MFSD12: variants seen among roughly 807,000 people sequenced by gnomAD.
MFSD12 encodes major facilitator superfamily domain-containing protein 12.
Under a neutral mutation model 51.2 loss-of-function variants are expected in MFSD12, and 67 were observed. That is an observed-to-expected ratio of 1.31 (90% CI 1.08 to 1.60). The LOEUF (loss-of-function observed/expected upper bound fraction) is 1.60, where lower values mean the gene tolerates loss of function less well. Ranked by LOEUF, MFSD12 falls within the 40% of genes most tolerant of loss-of-function variation. The pLI, the probability that MFSD12 is intolerant of heterozygous loss-of-function variation, is 0.00. For missense variants in MFSD12, 921 were observed against 673.0 expected (o/e 1.37, Z -4.08); for synonymous variants, 441 against 316.7 (o/e 1.39, Z -4.17).
chr19:3,540,789 G>A (rs947358271), downstream of MFSD12, among the ~76,000 whole-genome samples: 3 of 148,864 alleles, frequency 2.0e-5, no homozygotes, highest in Admixed American at 2.0e-4. Flanking sequence ...TGAGGCAGGA[G>A]AATCACTTGA....
At chr19:3,542,223 T>C (rs2030477011), downstream of MFSD12, 40 of 985,420 alleles carry the variant, frequency 4.1e-5, no homozygotes, top group Non-Finnish European at 4.6e-5. Context: ...AAGCCGAGTC[T>C]ATGTGGGGTC....
Position 3,548,330 on chromosome 19 carries a change from G to A in MFSD12, c.510-63C>T, listed in dbSNP as rs1026286149. 1.6e-5 allele frequency: 25 copies of A among 1,531,102 alleles called. No individual in the cohort carries two copies. The African/African-American group carries it at 1.9e-4, about 12-fold the overall frequency. 94.8% of individuals were successfully genotyped at this position (1,531,102 alleles called of 1,614,324 possible). A position where few individuals can be genotyped will look rare whatever the true frequency, so the allele number is the denominator to read the frequency against. On this transcript the variant is annotated intron_variant, in intron 2 of 9. Transcript: ENST00000355415. Reference sequence around the variant, plus strand: ...GGAACCTGGGTCACTTCCTCCCCACGTGGCTACGCCGTCAGAGAGGCCTGG... The same window carrying A: ...GGAACCTGGGTCACTTCCTCCCCACATGGCTACGCCGTCAGAGAGGCCTGG...
At chr19:3,548,900 G>A (rs1243874266) in intron 2 of MFSD12, among the ~76,000 whole-genome samples, 1 of 152,174 alleles carries the variant, frequency 6.6e-6, no homozygotes, top group East Asian at 1.9e-4. Flanking sequence ...TCTGTCACAT[G>A]GCCATAATGG....
chr19:3,539,415 C>A, downstream of MFSD12: 1 of 593,060 alleles, frequency 1.7e-6, no homozygotes, highest in South Asian at 2.0e-5. Context: ...TCTTCCTGTT[C>A]CCCTCCGGCC....
At position 3,544,821 on chromosome 19, in the gene MFSD12, G is replaced by C. The variant is rs200568256; in HGVS notation, c.1408C>G (p.Arg470Gly). 16 of 1,612,444 alleles carry C rather than the reference G, an allele frequency of 9.9e-6. No individual in the cohort carries two copies. Among genetic ancestry groups the C allele is most frequent in the East Asian group, 4.5e-5 (2 of 44,866 alleles). ...CLCSLLLWPTRLRRWDRDARP is the reference protein window; with the variant it reads ...CLCSLLLWPTGLRRWDRDARP ...GGCCAGGACTCACAGCGTCGCAGGC[G>C]GGTCGGCCACAGCAGGAGGCTACAG... Residue 470 changes from arginine (R) to glycine (G), a missense_variant, in exon 9 of 10, where the codon CGC becomes GGC. Coordinates refer to ENST00000355415, the MANE Select transcript of MFSD12 (RefSeq NM_174983.5).
chr19:3,548,398 G>A, intron 2 of MFSD12, 131 bp from the exon 3 acceptor site: 4 of 1,249,144 alleles, frequency 3.2e-6, no homozygotes, highest in East Asian at 2.6e-5. Flanking sequence ...TGCCACACTG[G>A]GTGGCCTCCA....
At chr19:3,545,533 G>C (rs1055779586) in intron 8 of MFSD12, among the ~76,000 whole-genome samples, 1 of 152,224 alleles carries the variant, frequency 6.6e-6, no homozygotes, top group East Asian at 1.9e-4. Context: ...CATCCTGCAG[G>C]TGTCAGGGCC....
Position 3,547,883 on chromosome 19 carries a change from A to G in MFSD12, c.802T>C (p.Trp268Arg). The change falls in exon 4 of 10, where the codon TGG (tryptophan) becomes CGG (arginine). Residue 268 changes from tryptophan (W) to arginine (R), a missense_variant. Physicochemically the swap from Trp to Arg is moderately radical, Grantham distance 101 (BLOSUM62 -3). Transcript: ENST00000355415. ...GCCGGCTCCCGGAGCCAGTGCTTCCAGAGCAGCAGGGGCTGGGCCGTGGCA... is the reference window on the plus strand; with the variant it reads ...GCCGGCTCCCGGAGCCAGTGCTTCCGGAGCAGCAGGGGCTGGGCCGTGGCA... ...APATAQPLLL[W>R]KHWLREPAFY... 1.9e-6 allele frequency: 3 copies of G among 1,546,832 alleles called. No individual in the cohort carries two copies. The highest frequency in any genetic ancestry group is 4.7e-5 in the Admixed American group (2 of 42,394).
At chr19:3,549,722 T>TAAA (rs2031360521) in intron 2 of MFSD12, among the ~76,000 whole-genome samples, 1 of 37,234 alleles carries the variant, frequency 2.7e-5, no homozygotes, top group Admixed American at 4.2e-4. Flanking sequence ...GACTCTTGTC[T>TAAA]CAAAAAAAAA....
At chr19:3,541,710 C>T (rs1303521065), downstream of MFSD12, 21 of 985,270 alleles carry the variant, frequency 2.1e-5, no homozygotes, top group Non-Finnish European at 2.5e-5. Flanking sequence ...GCATGTACCA[C>T]CTGCTCCTGG....
chr19:3,547,254 C>A lies in MFSD12; in HGVS notation c.1023+18G>T. 6.2e-7 allele frequency: 1 copy of A among 1,606,832 alleles called. No individual in the cohort carries two copies. ...CCCCATCCTCCGCCCCAGCTGTCCC[C>A]GGTCCCCGCCCACTCACGTTCCTCC... On this transcript the variant is annotated intron_variant, in intron 6 of 9. Transcript: ENST00000355415.
downstream of MFSD12, chr19:3,542,077 T>A: frequency 1.0e-6 from 1 of 973,410 alleles, no homozygotes; most frequent in Non-Finnish European, 1.2e-6. Flanking sequence ...CCCAAAGTGC[T>A]GGGATTACAG....
chr19:3,545,503 A>C (rs1469879725), intron 8 of MFSD12, among the ~76,000 whole-genome samples: 3 of 152,100 alleles, frequency 2.0e-5, no homozygotes, highest in Admixed American at 6.5e-5. Flanking sequence ...GTCCCTCCCC[A>C]TTGGCCTGGA....
chr19:3,547,430 A>G (rs747875179), intron 5 of MFSD12, 25 bp downstream of exon 5: 1 of 1,611,590 alleles, frequency 6.2e-7, no homozygotes, highest in Non-Finnish European at 8.5e-7. Flanking sequence ...GTCCCATCCC[A>G]GCGTCCCCGC....
chr19:3,556,605 G>A (rs1439362170), intron 1 of MFSD12, among the ~76,000 whole-genome samples: 1 of 151,724 alleles, frequency 6.6e-6, no homozygotes, highest in African/African-American at 2.4e-5. Flanking sequence ...GGGAGGCTCA[G>A]GCCATGGGGC....
rs1049626179 is a variant in MFSD12 at position 3,548,212 on chromosome 19, G to A, written c.565C>T (p.Leu189=). The stretch of plus-strand genomic sequence containing the variant: ...ACCCGCGACGAGCCCTGCAGGTGCA[G>A]CAGGAGCCAGGCGGCGCCGTAGACG... The part of the protein sequence containing the change: ...ITVYGAAWLL[L]HLQGSSRVEP... The change falls in exon 3 of 10, where the codon CTG becomes TTG. Residue 189 remains leucine (L), a synonymous_variant. Transcript: ENST00000355415. 5 of 1,561,634 alleles carry A rather than the reference G, an allele frequency of 3.2e-6. No homozygotes were observed. The East Asian group carries it at 9.6e-5, about 30-fold the overall frequency.
chr19:3,544,767 G>A lies in MFSD12; in HGVS notation c.1421-35C>T, dbSNP rs772940784. 20 of 1,608,064 alleles carry A rather than the reference G, an allele frequency of 1.2e-5. No homozygotes were observed. The Middle Eastern group carries it at 1.0e-3, about 80-fold the overall frequency. On this transcript the variant is annotated intron_variant, in intron 9 of 9. Coordinates refer to ENST00000355415, the MANE Select transcript of MFSD12 (RefSeq NM_174983.5). ...AGGGGTGGAAATGGCATTAGAGAGT[G>A]TGGGTCAGTGTCTGGGGAGGGAGGG... is the stretch of plus-strand genomic sequence containing the variant.
rs375897784 is a variant in MFSD12 at position 3,546,134 on chromosome 19, A to C, written c.1229T>G (p.Phe410Cys). Residue 410 changes from phenylalanine (F) to cysteine (C), a missense_variant, in exon 8 of 10, where the codon TTC becomes TGC. By Grantham distance (205) the Phe-to-Cys change is radical (BLOSUM62 -2). Coordinates refer to ENST00000355415, the MANE Select transcript of MFSD12 (RefSeq NM_174983.5). ...CAGCCCATTGGCCACCTTATCCAAGAAGCTCATGGAGCCGTACACGAACGC... is the reference window on the plus strand; with the variant it reads ...CAGCCCATTGGCCACCTTATCCAAGCAGCTCATGGAGCCGTACACGAACGC... ...SGAFVYGSMS[F>C]LDKVANGLAV... 3.7e-6 allele frequency: 6 copies of C among 1,613,298 alleles called. No homozygotes were observed. Among genetic ancestry groups the C allele is most frequent in the East Asian group, 4.5e-5 (2 of 44,884 alleles).
downstream of MFSD12, chr19:3,543,775 G>A (rs766280143): frequency 1.3e-4 from 190 of 1,490,702 alleles, no homozygotes; most frequent in Admixed American, 3.6e-4. Context: ...GGAGCCCCTT[G>A]CTGGCCAACG....
Sources: gnomAD v4.1 joint callset for allele counts (sites outside exome capture counted in the v4.1 genomes callset) on GRCh38, gnomAD v4.1.1 for gene constraint, MANE v1.5 for transcripts, NCBI Gene and HGNC (gene_info 2026-07-23, HGNC 2026-07-21) for gene names.